Variants in REEP3 observed in about 807,000 individuals in gnomAD.
REEP3 encodes receptor expression-enhancing protein 3.
Under a neutral mutation model 41.3 loss-of-function variants are expected in REEP3, and 20 were observed. The observed-to-expected ratio is 0.48, with a 90% confidence interval of 0.34 to 0.70. The LOEUF is 0.70. REEP3 is among the 30% of genes least tolerant of loss of function. The probability of loss-of-function intolerance (pLI) is 0.01; values close to 1 mark genes in which losing one functional copy is unlikely to be tolerated. For missense variants in REEP3, 271 were observed against 308.8 expected, an observed-to-expected ratio of 0.88 and a Z score of 0.92; for synonymous variants, 104 against 101.8, an observed-to-expected ratio of 1.02 and a Z score of -0.13.
rs1240248169 is a variant in REEP3, at chr10:63,621,731, A to G, written c.*862A>G. On this transcript the variant is annotated 3_prime_UTR_variant, in exon 8 of 8. Transcript: ENST00000373758. Reference sequence around the variant, plus strand: ...GCTATACAGAGTAATTGAACTTAACATGTTTTTGTCAACACCAATTACATT... The same window carrying G: ...GCTATACAGAGTAATTGAACTTAACGTGTTTTTGTCAACACCAATTACATT... 3 of 152,396 alleles carry G rather than the reference A, an allele frequency of 2.0e-5. No homozygotes were observed. Among genetic ancestry groups the G allele is most frequent in the African/African-American group, 7.2e-5 (3 of 41,468 alleles). The allele number at this position is 152,396 out of a possible 1,614,324, so 9.4% of individuals were successfully genotyped here. A position where few individuals can be genotyped will look rare whatever the true frequency, so the allele number is the denominator to read the frequency against.
At chr10:63,592,227 T>G (rs774391492) in intron 2 of REEP3, among the ~76,000 whole-genome samples, 3 of 152,196 alleles carry the variant, frequency 2.0e-5, no homozygotes, top group Admixed American at 6.5e-5. Flanking sequence ...AGGTGGACTG[T>G]TCCTCCTTCA....
intron 2 of REEP3, among the ~76,000 whole-genome samples, chr10:63,586,075 A>G (rs999542202): frequency 6.6e-6 from 1 of 152,238 alleles, no homozygotes; most frequent in Admixed American, 6.5e-5. Flanking sequence ...GCATTAGGGT[A>G]GGTAAATGCA....
At chr10:63,575,147 C>T (rs1338918880) in intron 2 of REEP3, among the ~76,000 whole-genome samples, 2 of 152,118 alleles carry the variant, frequency 1.3e-5, no homozygotes, top group African/African-American at 2.4e-5. Flanking sequence ...AGCCACCGCA[C>T]CCAGACCCCA....
At chr10:63,571,377 G>A (rs1009080977) in intron 2 of REEP3, among the ~76,000 whole-genome samples, 1 of 152,098 alleles carries the variant, frequency 6.6e-6, no homozygotes, top group Non-Finnish European at 1.5e-5. Context: ...CCTTCTGGAG[G>A]GTTTAGGGGA....
chr10:63,617,160 A>AAC (rs1956318385), intron 6 of REEP3, among the ~76,000 whole-genome samples: 1 of 152,060 alleles, frequency 6.6e-6, no homozygotes, highest in African/African-American at 2.4e-5. Context: ...TTCCACCCGG[A>AAC]ACACACACAC....
Position 63,521,541 on chromosome 10 carries a change from T to C in REEP3, c.-5T>C. 1 of 1,374,584 alleles carries C rather than the reference T, an allele frequency of 7.3e-7. No individual in the cohort carries two copies. Among genetic ancestry groups the C allele is most frequent in the South Asian group, 1.5e-5 (1 of 68,206 alleles). 85.1% of individuals were successfully genotyped at this position (1,374,584 alleles called of 1,614,324 possible). On this transcript the variant is annotated 5_prime_UTR_variant, in exon 1 of 8. Transcript: ENST00000373758. The stretch of plus-strand genomic sequence containing the variant: ...CCCGGACGTGGGGCCCAAGCCCCCG[T>C]GAAGATGGTGTCCTGGATGATCTCC...
intron 5 of REEP3, among the ~76,000 whole-genome samples, chr10:63,609,656 G>C (rs917483898): frequency 2.0e-5 from 3 of 152,096 alleles, no homozygotes; most frequent in Non-Finnish European, 2.9e-5. Context: ...AGCTACTCGG[G>C]AGACTGAGGC....
At chr10:63,560,050 T>C (rs1955726069) in intron 1 of REEP3, among the ~76,000 whole-genome samples, 1 of 152,114 alleles carries the variant, frequency 6.6e-6, no homozygotes, top group African/African-American at 2.4e-5. Context: ...TTATAAAATA[T>C]TGTTTTTAAA....
intron 3 of REEP3, 77 bp downstream of exon 3, chr10:63,594,931 A>G: frequency 2.2e-6 from 2 of 898,462 alleles, no homozygotes; most frequent in South Asian, 1.4e-5. Context: ...TGCTCTTGCT[A>G]TTAACTGAGT....
intron 1 of REEP3, among the ~76,000 whole-genome samples, chr10:63,562,388 G>A (rs1332462678): frequency 6.6e-6 from 1 of 151,984 alleles, no homozygotes; most frequent in East Asian, 1.9e-4. Flanking sequence ...CTCCTGGGTA[G>A]CTGGGATTAC....
intron 1 of REEP3, among the ~76,000 whole-genome samples, chr10:63,538,451 G>A (rs764202011): frequency 4.6e-5 from 7 of 152,044 alleles, no homozygotes; most frequent in African/African-American, 9.7e-5. Flanking sequence ...CGAGGAAAAC[G>A]GGCCGGGTGC....
intron 1 of REEP3, among the ~76,000 whole-genome samples, chr10:63,551,140 G>A (rs1955625034): frequency 6.6e-6 from 1 of 152,120 alleles, no homozygotes; most frequent in Admixed American, 6.5e-5. Flanking sequence ...CTAGGAATGG[G>A]CAGGAAATAT....
chr10:63,529,231 GT>G, intron 1 of REEP3, among the ~76,000 whole-genome samples: 1 of 152,186 alleles, frequency 6.6e-6, no homozygotes, highest in African/African-American at 2.4e-5. Context: ...ATTGAATAAA[GT>G]TTTTTTCACT....
intron 6 of REEP3, among the ~76,000 whole-genome samples, chr10:63,615,691 C>T (rs957071054): frequency 6.6e-6 from 1 of 151,748 alleles, no homozygotes; most frequent in Non-Finnish European, 1.5e-5. Flanking sequence ...ATTACAGGCA[C>T]GTGCCACCAC....
intron 6 of REEP3, among the ~76,000 whole-genome samples, chr10:63,616,840 G>A (rs906848895): frequency 2.6e-5 from 4 of 151,730 alleles, no homozygotes; most frequent in Admixed American, 2.6e-4. Flanking sequence ...CTGAAGCCTG[G>A]TTTATTTTTC....
chr10:63,609,755 G>A (rs1228671203), intron 5 of REEP3, among the ~76,000 whole-genome samples: 2 of 151,900 alleles, frequency 1.3e-5, no homozygotes, highest in Non-Finnish European at 2.9e-5. Context: ...GTGAGACTCT[G>A]TCTCTAAATA....
intron 5 of REEP3, among the ~76,000 whole-genome samples, chr10:63,606,296 T>C (rs956330434): frequency 1.6e-4 from 24 of 151,662 alleles, no homozygotes; most frequent in Admixed American, 1.3e-3. Context: ...TTTCCTTTCT[T>C]TCTTTCTCTC....
At chr10:63,596,387 C>T (rs772815576) in intron 3 of REEP3, among the ~76,000 whole-genome samples, 3 of 151,704 alleles carry the variant, frequency 2.0e-5, no homozygotes, top group Non-Finnish European at 4.4e-5. Flanking sequence ...GCAAATGTAG[C>T]CTATATATGT....
chr10:63,599,208 C>A lies in REEP3; in HGVS notation c.342C>A (p.Gly114=). The change falls in exon 5 of 8, where the codon GGC becomes GGA. Residue 114 remains glycine (G), a synonymous_variant. Coordinates refer to ENST00000373758, the MANE Select transcript of REEP3 (RefSeq NM_001001330.3). ...ATATTGTACAAGCAAAGGAACGAGG[C>A]TATGAAACCATGGTAAACTTTGGAC... ...DDYIVQAKER[G]YETMVNFGRQ... is the part of the protein sequence containing the mutation. The A allele has an allele frequency of 6.3e-7, 1 of 1,592,344 alleles. No homozygotes were observed. The highest frequency in any genetic ancestry group is 1.2e-5 in the South Asian group (1 of 86,710).
Sources: allele counts gnomAD v4.1 joint callset (sites outside exome capture counted in the v4.1 genomes callset), GRCh38; gene constraint gnomAD v4.1.1; transcripts MANE v1.5; gene names NCBI Gene and HGNC (gene_info 2026-07-23, HGNC 2026-07-21).